UNC79: variants seen among roughly 807,000 people sequenced by gnomAD.
UNC79 encodes the protein protein unc-79 homolog.
A neutral mutation model predicts 283.1 loss-of-function variants in UNC79; 37 were observed. The ratio of observed to expected loss-of-function variants is 0.13; its 90% CI spans 0.10 to 0.17. The LOEUF (loss-of-function observed/expected upper bound fraction) is 0.17. Ranked by LOEUF, UNC79 falls within the 10% of genes least tolerant of loss-of-function variation. UNC79 has a pLI of 1.00. For missense variants in UNC79, 2,272 were observed against 3,211.1 expected, an observed-to-expected ratio of 0.71 and a Z score of 7.07; for synonymous variants, 1,107 against 1,200.2, an observed-to-expected ratio of 0.92 and a Z score of 1.61.
intron 18 of UNC79, 41 bp from the exon 19 acceptor site, chr14:93,580,108 T>TTTG: frequency 4.0e-6 from 6 of 1,500,824 alleles, no homozygotes; most frequent in South Asian, 2.6e-5. Flanking sequence ...TCTTTTTTTT[T>TTTG]TGTGTGTGTG....
chr14:93,690,235 C>T lies in UNC79; in HGVS notation c.7204C>T (p.Leu2402=). The T allele has an allele frequency of 6.2e-7, 1 of 1,614,208 alleles. No individual in the cohort carries two copies. The highest frequency in any genetic ancestry group is 1.1e-5 in the South Asian group (1 of 91,078). Residue 2402 remains leucine, a synonymous_variant, in exon 45 of 49, where the codon CTG becomes TTG. Transcript: ENST00000555664. This position sits in a 1 kb window ranked among gnomAD's most constrained non-coding sequence, Gnocchi z 4.3. ...CTCCTCTCCCTGCCTGCCCATTCCT[C>T]TGGATGCAGGCTCCCACGTTGCAGA...
At chr14:93,479,231 T>C (rs866409697) in intron 4 of UNC79, among the ~76,000 whole-genome samples, 6 of 125,494 alleles carry the variant, frequency 4.8e-5, no homozygotes, top group South Asian at 2.6e-4. Flanking sequence ...TTCCTTCCTT[T>C]CCTTCCTTCC....
At position 93,439,393 on chromosome 14, in the gene UNC79, T is replaced by A. The variant is rs568771677; in HGVS notation, c.22+8342T>A. On this transcript the variant is annotated intron_variant, in intron 1 of 48. Transcript: ENST00000555664. ...TTCTTATTTTGTTAAGTTTTTTTTT[T>A]AAACCGAAATGGGTGTTGAGTCAAG... Among the ~76,000 whole-genome samples, 4 of 152,192 alleles carry A rather than the reference T, an allele frequency of 2.6e-5. No individual in the cohort carries two copies. The South Asian group carries it at 8.3e-4, about 32-fold the overall frequency.
chr14:93,581,309 T>C (rs971097886), intron 19 of UNC79, among the ~76,000 whole-genome samples: 8 of 149,298 alleles, frequency 5.4e-5, no homozygotes, highest in African/African-American at 1.7e-4. Context: ...CCTCGGTAAC[T>C]GGACACAGGC....
chr14:93,489,034 C>A (rs2140482558), intron 5 of UNC79, among the ~76,000 whole-genome samples: 1 of 152,308 alleles, frequency 6.6e-6, no homozygotes, highest in East Asian at 1.9e-4. Flanking sequence ...CTTGACCTAC[C>A]TGGCTCAAGC....
In UNC79 at chr14:93,487,792, A is replaced by G. The variant is rs772369380; in HGVS notation, c.712+37A>G. The G allele has an allele frequency of 7.0e-6, 11 of 1,577,164 alleles. No homozygotes were observed. The East Asian group carries it at 2.3e-4, about 32-fold the overall frequency. On this transcript the variant is annotated intron_variant, in intron 5 of 48. Transcript: ENST00000555664. ...TTGGAATGGTTTGACTAATTCTAGT[A>G]CCAATAATTAAACAAGACATCAAAC...
chr14:93,513,413 C>T (rs1037410994), intron 7 of UNC79, among the ~76,000 whole-genome samples: 2 of 151,858 alleles, frequency 1.3e-5, no homozygotes, highest in Non-Finnish European at 2.9e-5. Context: ...AGAGATGGGC[C>T]TCCCTATGTT....
rs2071761772 is a variant in UNC79 at position 93,662,932 on chromosome 14, A to G, written c.6636+218A>G. ...CACACATACAATGTCTAAAATATGC[A>G]CATATGCAGATTCAGAGAACTGAGG... On this transcript the variant is annotated intron_variant, in intron 40 of 48. Transcript: ENST00000555664. 2.0e-5 allele frequency among the ~76,000 whole-genome samples: 3 copies of G among 152,270 alleles called. No individual in the cohort carries two copies. In the South Asian group the frequency reaches 6.2e-4, roughly 32 times the overall value.
At chr14:93,517,303 CT>C (rs1052127544) in intron 7 of UNC79, among the ~76,000 whole-genome samples, 4 of 136,118 alleles carry the variant, frequency 2.9e-5, no homozygotes, top group African/African-American at 5.4e-5. Flanking sequence ...TCCTTTCTCC[CT>C]TTTTTTCTTT....
chr14:93,430,928 G>A lies in UNC79; in HGVS notation c.-102G>A, dbSNP rs1595465844. On this transcript the variant is annotated 5_prime_UTR_variant, in exon 1 of 49. Coordinates refer to ENST00000555664, the Ensembl canonical transcript of UNC79. This position sits in a 1 kb window ranked among gnomAD's most constrained non-coding sequence, Gnocchi z 4.6. ...GGGAGGGGGAAAGCGAGGGGGTGGG[G>A]GGTGGGGGGTATGCACTCTTTTCCT... 4 of 445,646 alleles carry A rather than the reference G, an allele frequency of 9.0e-6. No individual in the cohort carries two copies. Among genetic ancestry groups the A allele is most frequent in the East Asian group, 1.3e-4 (2 of 15,170 alleles). The allele number at this position is 445,646 out of a possible 1,614,324, so 27.6% of individuals were successfully genotyped here. A position where few individuals can be genotyped will look rare whatever the true frequency, so the allele number is the denominator to read the frequency against.
intron 16 of UNC79, 109 bp downstream of exon 16, chr14:93,572,925 A>T: frequency 7.1e-7 from 1 of 1,417,100 alleles, no homozygotes; most frequent in Non-Finnish European, 9.5e-7. Context: ...GTAAGTCCCC[A>T]TGTTTGCCAA....
intron 5 of UNC79, among the ~76,000 whole-genome samples, chr14:93,490,599 G>C (rs1239675075): frequency 6.6e-6 from 1 of 152,186 alleles, no homozygotes; most frequent in Non-Finnish European, 1.5e-5. Context: ...TAGCAAGGAT[G>C]GCCTTTCCTC....
chr14:93,351,394 TAATA>T (rs891674032), intron 1 of UNC79, among the ~76,000 whole-genome samples: 3 of 152,290 alleles, frequency 2.0e-5, no homozygotes, highest in South Asian at 2.1e-4. Context: ...TTAACATCTT[TAATA>T]AATATTCTTG....
At chr14:93,362,514 A>T (rs905518920) in intron 1 of UNC79, among the ~76,000 whole-genome samples, 4 of 151,962 alleles carry the variant, frequency 2.6e-5, no homozygotes, top group African/African-American at 9.7e-5. Flanking sequence ...ATGCCCGGCT[A>T]AATTTTGTAT....
rs566228688 is a variant in UNC79, at chr14:93,336,079, C to G, written c.-351+2556C>G. The stretch of plus-strand genomic sequence containing the variant: ...CAGTCTTTTCCTTCCTTTGTACCCC[C>G]CTTTTTTACCACACATAACCATCCA... On this transcript the variant is annotated intron_variant, in intron 1 of 49. Transcript: ENST00000256339. Among the ~76,000 whole-genome samples the G allele has an allele frequency of 9.2e-5, 14 of 152,288 alleles. No individual in the cohort carries two copies. The East Asian group carries it at 2.3e-3, about 25-fold the overall frequency.
chr14:93,562,848 G>T (rs952307459), intron 14 of UNC79, among the ~76,000 whole-genome samples: 1 of 152,136 alleles, frequency 6.6e-6, no homozygotes, highest in African/African-American at 2.4e-5. Context: ...TTCCTGACTC[G>T]GGGCATGTGA....
chr14:93,509,223 A>G (rs1271637364), intron 7 of UNC79, among the ~76,000 whole-genome samples: 1 of 152,122 alleles, frequency 6.6e-6, no homozygotes, highest in African/African-American at 2.4e-5. Flanking sequence ...ACCCCTCACC[A>G]GGCCCCTCCT....
exon 30 of UNC79, chr14:93,622,082 G>T: frequency 6.2e-7 from 1 of 1,614,030 alleles, no homozygotes. Flanking sequence ...TTCAACCTCG[G>T]GGCCTGAAAA....
intron 4 of UNC79, among the ~76,000 whole-genome samples, chr14:93,487,028 G>A (rs890727457): frequency 2.0e-5 from 3 of 151,980 alleles, no homozygotes; most frequent in Non-Finnish European, 4.4e-5. Flanking sequence ...GGTAAGCTCT[G>A]GAAAACTAAA....
Sources: allele counts gnomAD v4.1 joint callset (sites outside exome capture counted in the v4.1 genomes callset), GRCh38; gene constraint gnomAD v4.1.1; non-coding constraint Gnocchi (gnomAD v3.1); transcripts MANE v1.5; gene names NCBI Gene and HGNC (gene_info 2026-07-23, HGNC 2026-07-21).